Variants in EMC3 observed in about 807,000 individuals in gnomAD.
EMC3 encodes ER membrane protein complex subunit 3, also known as 30 kDa protein.
Under a neutral mutation model 36.6 loss-of-function variants are expected in EMC3, and 13 were observed. That is an observed-to-expected ratio of 0.35 (90% CI 0.23 to 0.56). The LOEUF is 0.56. EMC3 is among the 20% of genes least tolerant of loss of function. EMC3 has a pLI of 0.84. For missense variants in EMC3, 220 were observed against 324.5 expected (o/e 0.68, Z 2.47); for synonymous variants, 120 against 111.9 (o/e 1.07, Z -0.46).
intron 1 of EMC3, among the ~76,000 whole-genome samples, chr3:9,985,486 A>G (rs902743774): frequency 3.3e-5 from 5 of 152,184 alleles, no homozygotes; most frequent in Admixed American, 1.3e-4. Flanking sequence ...GTCTCCCACA[A>G]TCCTCCTGCC....
intron 1 of EMC3, among the ~76,000 whole-genome samples, chr3:9,992,293 T>G (rs1014687417): frequency 2.6e-5 from 4 of 151,924 alleles, no homozygotes; most frequent in African/African-American, 7.3e-5. Flanking sequence ...GCCAATTTTT[T>G]TTTGTATTTT....
intron 1 of EMC3, chr3:9,994,058 A>C: frequency 3.3e-6 from 4 of 1,196,312 alleles, no homozygotes; most frequent in Non-Finnish European, 4.9e-6. Flanking sequence ...AACAAAGATT[A>C]AGATTTCTTA....
intron 7 of EMC3, chr3:9,969,455 C>T (rs1415901681): frequency 1.5e-6 from 2 of 1,349,580 alleles, no homozygotes; most frequent in African/African-American, 3.0e-5. Context: ...CTGGCACCTC[C>T]GATTGGATTA....
At chr3:9,985,142 A>G (rs1351455492) in intron 1 of EMC3, among the ~76,000 whole-genome samples, 1 of 152,236 alleles carries the variant, frequency 6.6e-6, no homozygotes, top group African/African-American at 2.4e-5. Flanking sequence ...TACATATTTA[A>G]TACTTTTTAT....
chr3:9,984,127 G>C (rs2085942390), intron 1 of EMC3, among the ~76,000 whole-genome samples: 1 of 151,678 alleles, frequency 6.6e-6, no homozygotes, highest in Non-Finnish European at 1.5e-5. Flanking sequence ...CTGTCGCCAG[G>C]CTGGAGTGCA....
At chr3:10,006,783 T>C (rs533766468) in intron 1 of EMC3, 28 of 391,120 alleles carry the variant, frequency 7.2e-5, no homozygotes, top group Non-Finnish European at 4.0e-5. Flanking sequence ...AGAGAGTCCA[T>C]GTCAAATGTC....
chr3:9,992,581 C>G (rs1415605979), intron 1 of EMC3, among the ~76,000 whole-genome samples: 1 of 152,154 alleles, frequency 6.6e-6, no homozygotes, highest in Non-Finnish European at 1.5e-5. Context: ...CTGGAGTTGG[C>G]AAGTGATTGA....
rs1204667609 is a variant in EMC3, at chr3:10,001,147, G to C, written c.-242+9876C>G. Among the ~76,000 whole-genome samples the C allele has an allele frequency of 2.6e-5, 4 of 152,004 alleles. No homozygotes were observed. The South Asian group carries it at 6.2e-4, about 24-fold the overall frequency. On this transcript the variant is annotated intron_variant, in intron 1 of 8. Transcript: ENST00000470827. ...TGATCCACTTTGAGTTAATGTTTGT[G>C]TATAGTGTATTTTAAGGATTTAGCT...
intron 1 of EMC3, among the ~76,000 whole-genome samples, chr3:10,009,506 A>C (rs1158338320): frequency 6.6e-6 from 1 of 152,198 alleles, no homozygotes; most frequent in Non-Finnish European, 1.5e-5. Flanking sequence ...ACTTTCCTAT[A>C]ACCCGAGAAT....
At chr3:9,971,453 G>A (rs934905802) in intron 5 of EMC3, among the ~76,000 whole-genome samples, 4 of 152,230 alleles carry the variant, frequency 2.6e-5, no homozygotes, top group African/African-American at 9.6e-5. Flanking sequence ...ATTCCAACAA[G>A]TGGGTCACAT....
At chr3:10,005,926 C>T (rs1307935499) in intron 1 of EMC3, among the ~76,000 whole-genome samples, 1 of 152,236 alleles carries the variant, frequency 6.6e-6, no homozygotes, top group African/African-American at 2.4e-5. Flanking sequence ...AACTTTCCAC[C>T]TTCCCTCTCT....
chr3:9,983,548 G>T (rs778077224), intron 1 of EMC3, among the ~76,000 whole-genome samples: 11 of 151,996 alleles, frequency 7.2e-5, no homozygotes, highest in Non-Finnish European at 1.3e-4. Flanking sequence ...GGCGCATGCC[G>T]CTAATCGCAG....
rs987300643 is a variant in EMC3 at position 9,973,772 on chromosome 3, C to G, written c.413-63G>C. On this transcript the variant is annotated intron_variant, in intron 4 of 7. Coordinates refer to ENST00000245046, the MANE Select transcript of EMC3 (RefSeq NM_001394674.1). ...TTTTATTTTTAGAATAAGTGTGACTCTTTCTCAGAGGAGGTGGGAACTCTG... is the reference window on the plus strand; with the variant it reads ...TTTTATTTTTAGAATAAGTGTGACTGTTTCTCAGAGGAGGTGGGAACTCTG... The G allele has an allele frequency of 4.1e-6, 6 of 1,472,164 alleles. No homozygotes were observed. The African/African-American group carries it at 8.3e-5, about 20-fold the overall frequency. The allele number at this position is 1,472,164 out of a possible 1,614,324, so 91.2% of individuals were successfully genotyped here.
chr3:9,963,853 T>C lies in EMC3; in HGVS notation c.*216A>G, dbSNP rs966716510. On this transcript the variant is annotated 3_prime_UTR_variant, in exon 8 of 8. Transcript: ENST00000245046. ...ATTACTAGAGTCACCAGAAGGAACA[T>C]TTACAACATTTTAAAAATAACAAGT... The C allele has an allele frequency of 6.7e-6, 4 of 598,702 alleles. No individual in the cohort carries two copies. The highest frequency in any genetic ancestry group is 5.6e-5 in the African/African-American group (3 of 53,558). The allele number at this position is 598,702 out of a possible 1,614,324, so 37.1% of individuals were successfully genotyped here.
chr3:9,972,036 G>A (rs1176367965), intron 5 of EMC3, among the ~76,000 whole-genome samples: 1 of 152,120 alleles, frequency 6.6e-6, no homozygotes, highest in Non-Finnish European at 1.5e-5. Context: ...GTGGTATTCA[G>A]AAGGAGAAAT....
intron 1 of EMC3, among the ~76,000 whole-genome samples, chr3:9,984,534 C>T (rs115901051): frequency 0.011 from 1,643 of 151,698 alleles, 13 homozygotes; most frequent in Non-Finnish European, 0.017. Flanking sequence ...GGACTACAGG[C>T]GCCCAGCATA....
intron 1 of EMC3, among the ~76,000 whole-genome samples, chr3:9,979,940 T>C (rs1416569947): frequency 6.6e-6 from 1 of 151,336 alleles, no homozygotes; most frequent in Non-Finnish European, 1.5e-5. Context: ...AGGAGAACTA[T>C]AGAAAATGTG....
At chr3:9,996,344 C>T (rs1340980134) in intron 1 of EMC3, among the ~76,000 whole-genome samples, 1 of 152,036 alleles carries the variant, frequency 6.6e-6, no homozygotes, top group Non-Finnish European at 1.5e-5. Context: ...ACTCAGGAGG[C>T]GGAGGTGGGA....
intron 1 of EMC3, chr3:9,981,863 T>C (rs2085915214): frequency 5.9e-6 from 2 of 336,958 alleles, no homozygotes; most frequent in Admixed American, 8.5e-5. Flanking sequence ...TGAGAACCAT[T>C]TTTTACACAT....
Sources: gnomAD v4.1 joint callset for allele counts (sites outside exome capture counted in the v4.1 genomes callset) on GRCh38, gnomAD v4.1.1 for gene constraint, MANE v1.5 for transcripts, NCBI Gene and HGNC (gene_info 2026-07-23, HGNC 2026-07-21) for gene names.